The following PLXNA4 variants were observed in gnomAD, a reference collection of about 807,000 sequenced individuals.
PLXNA4 encodes the protein plexin A4.
A neutral mutation model predicts 191.8 loss-of-function variants in PLXNA4; 44 were observed. The observed-to-expected ratio is 0.23, with a 90% CI of 0.18 to 0.29. The LOEUF (loss-of-function observed/expected upper bound fraction) is 0.29. Ranked by LOEUF, PLXNA4 falls within the 10% of genes least tolerant of loss-of-function variation. The probability of loss-of-function intolerance (pLI) is 1.00; values close to 1 mark genes in which losing one functional copy is unlikely to be tolerated. For missense variants in PLXNA4, 1,800 were observed against 2,488.8 expected (o/e 0.72, Z 5.89); for synonymous variants, 1,082 against 1,009.5 (o/e 1.07, Z -1.36).
chr7:132,433,563 G>A (rs1411842361), intron 3 of PLXNA4, among the ~76,000 whole-genome samples: 1 of 152,182 alleles, frequency 6.6e-6, no homozygotes, highest in Non-Finnish European at 1.5e-5. Flanking sequence ...CCACTGAAAG[G>A]AAGAGAGTAG....
intron 12 of PLXNA4, among the ~76,000 whole-genome samples, chr7:132,199,536 C>A (rs898742060): frequency 1.3e-5 from 2 of 152,166 alleles, no homozygotes; most frequent in African/African-American, 4.8e-5. Context: ...CTCATCCTGG[C>A]GTTTCATGGA....
At chr7:132,441,423 G>A (rs1178955112) in intron 3 of PLXNA4, among the ~76,000 whole-genome samples, 2 of 152,204 alleles carry the variant, frequency 1.3e-5, no homozygotes, top group Non-Finnish European at 2.9e-5. Context: ...ACAGTGCCTG[G>A]AGTACAATAT....
In PLXNA4 at chr7:132,250,276, G is replaced by A. The variant is rs118035934; in HGVS notation, c.1504-9110C>T. 7.2e-5 allele frequency among the ~76,000 whole-genome samples: 11 copies of A among 152,224 alleles called. No homozygotes were observed. The East Asian group carries it at 1.9e-3, about 27-fold the overall frequency. On this transcript the variant is annotated intron_variant, in intron 4 of 31. Transcript: ENST00000321063. ...AAAATGCCCCTGTGATGGGTGGTGC[G>A]AAGTCATCTCTCTTCACTCCACTAT... is the stretch of plus-strand genomic sequence containing the variant.
chr7:132,172,758 T>TATA (rs10651247), intron 21 of PLXNA4, among the ~76,000 whole-genome samples: 39,366 of 148,858 alleles, frequency 0.26, 5,840 homozygotes, highest in Admixed American at 0.43. Flanking sequence ...AAACTTAAAG[T>TATA]ATAATAATAA....
chr7:132,557,806 C>T (rs73724081), intron 1 of PLXNA4, among the ~76,000 whole-genome samples: 7,632 of 152,138 alleles, frequency 0.05, 635 homozygotes, highest in African/African-American at 0.17. Flanking sequence ...CTGCAGACTT[C>T]GCCAGGAAGC....
intron 1 of PLXNA4, among the ~76,000 whole-genome samples, chr7:132,559,844 A>G (rs1800961480): frequency 6.6e-6 from 1 of 152,258 alleles, no homozygotes; most frequent in African/African-American, 2.4e-5. Flanking sequence ...GAGAACAGAT[A>G]CTGCTTGGGT....
At chr7:132,532,660 C>T (rs1273764478) in intron 1 of PLXNA4, among the ~76,000 whole-genome samples, 2 of 152,228 alleles carry the variant, frequency 1.3e-5, no homozygotes, top group African/African-American at 4.8e-5. Context: ...TACTCTGCTA[C>T]TCGAGAATCT....
chr7:132,213,821 G>A (rs1345124614), intron 9 of PLXNA4, among the ~76,000 whole-genome samples: 2 of 152,132 alleles, frequency 1.3e-5, no homozygotes, highest in African/African-American at 4.8e-5. Context: ...GTCCCTGGAG[G>A]GAATCAGATC....
intron 21 of PLXNA4, among the ~76,000 whole-genome samples, chr7:132,171,193 C>T (rs1796275250): frequency 6.6e-6 from 1 of 152,242 alleles, no homozygotes; most frequent in South Asian, 2.1e-4. Flanking sequence ...AATGTCATTT[C>T]TTGGGCATCC....
At chr7:132,310,156 A>G (rs1229439304) in intron 3 of PLXNA4, among the ~76,000 whole-genome samples, 2 of 152,240 alleles carry the variant, frequency 1.3e-5, no homozygotes, top group Non-Finnish European at 2.9e-5. Context: ...AGACTTGCTT[A>G]GCATCCTCAG....
intron 2 of PLXNA4, among the ~76,000 whole-genome samples, chr7:132,617,159 C>A (rs1803171549): frequency 1.3e-5 from 2 of 152,110 alleles, no homozygotes; most frequent in East Asian, 1.9e-4. Context: ...TGTAAAGAAC[C>A]CGATTGCCAC....
intron 9 of PLXNA4, among the ~76,000 whole-genome samples, chr7:132,219,284 TA>T (rs1798067325): frequency 6.6e-6 from 1 of 152,136 alleles, no homozygotes; most frequent in Admixed American, 6.5e-5. Flanking sequence ...CCCTGTTAGG[TA>T]AAGGTGGTCG....
At chr7:132,177,520 G>A (rs1796516091) in intron 20 of PLXNA4, among the ~76,000 whole-genome samples, 1 of 152,274 alleles carries the variant, frequency 6.6e-6, no homozygotes, top group African/African-American at 2.4e-5. Context: ...AGCATAGCTC[G>A]CCCCTAAAGT....
In PLXNA4 at chr7:132,295,616, C is replaced by T. The variant is rs541473266; in HGVS notation, c.1503+2475G>A. Among the ~76,000 whole-genome samples, 147 of 152,250 alleles carry T rather than the reference C, an allele frequency of 9.7e-4. 3 individuals carry two copies. The South Asian group carries it at 0.029, about 30-fold the overall frequency. On this transcript the variant is annotated intron_variant, in intron 4 of 31. Coordinates refer to ENST00000321063, the MANE Select transcript of PLXNA4 (RefSeq NM_020911.2). Reference sequence around the variant, plus strand: ...CTGAGCTCTATTCCGCATGCCCAACCTGTCAAGCAGGCCTGGGTTCCTGAT... The same window carrying T: ...CTGAGCTCTATTCCGCATGCCCAACTTGTCAAGCAGGCCTGGGTTCCTGAT...
intron 3 of PLXNA4, among the ~76,000 whole-genome samples, chr7:132,393,518 C>G (rs1018919899): frequency 6.6e-6 from 1 of 152,194 alleles, no homozygotes; most frequent in Non-Finnish European, 1.5e-5. Context: ...GCTCATCACT[C>G]AAGTCCTACT....
chr7:132,303,567 T>C (rs1801396850), intron 3 of PLXNA4, among the ~76,000 whole-genome samples: 1 of 152,100 alleles, frequency 6.6e-6, no homozygotes, highest in African/African-American at 2.4e-5. Context: ...AGACTCCGTC[T>C]CAAAAAAGAA....
At chr7:132,290,889 TA>T (rs1322474488) in intron 4 of PLXNA4, among the ~76,000 whole-genome samples, 2 of 152,214 alleles carry the variant, frequency 1.3e-5, no homozygotes, top group Non-Finnish European at 2.9e-5. Context: ...AGAGAAACCA[TA>T]TCCAGGCTAC....
intron 3 of PLXNA4, among the ~76,000 whole-genome samples, chr7:132,434,797 C>T (rs745597231): frequency 3.3e-5 from 5 of 152,192 alleles, no homozygotes; most frequent in African/African-American, 4.8e-5. Flanking sequence ...CTGGCACAGC[C>T]TTGACGGGTA....
chr7:132,328,550 T>C (rs1460595815), intron 3 of PLXNA4, among the ~76,000 whole-genome samples: 1 of 152,216 alleles, frequency 6.6e-6, no homozygotes, highest in African/African-American at 2.4e-5. Flanking sequence ...GCCTGGGCTG[T>C]TGACTCTGGG....
Sources: gnomAD v4.1 joint callset for allele counts (sites outside exome capture counted in the v4.1 genomes callset) on GRCh38, gnomAD v4.1.1 for gene constraint, MANE v1.5 for transcripts, NCBI Gene and HGNC (gene_info 2026-07-23, HGNC 2026-07-21) for gene names.